Variants in OSBPL5 observed in about 807,000 individuals in gnomAD.
OSBPL5 encodes the protein oxysterol-binding protein-related protein 5.
A neutral mutation model predicts 111.2 loss-of-function variants in OSBPL5; 71 were observed. The observed-to-expected ratio is 0.64, with a 90% CI of 0.53 to 0.78. The LOEUF (loss-of-function observed/expected upper bound fraction) is 0.78, where lower values mean the gene tolerates loss of function less well. Among genes scored for constraint, OSBPL5 ranks in the 30% least tolerant of loss-of-function variants. The pLI is 0.00. For synonymous variants in OSBPL5, 549 were observed against 513.9 expected (o/e 1.07, Z -0.93); for missense variants, 1,210 against 1,189.3 (o/e 1.02, Z -0.26).
intron 14 of OSBPL5, among the ~76,000 whole-genome samples, chr11:3,096,050 A>G (rs138686696): frequency 0.012 from 1,860 of 152,330 alleles, 10 homozygotes; most frequent in South Asian, 0.031. Context: ...GCAGCCAGGA[A>G]AATCCATGCT....
rs374923847 is a variant in OSBPL5 at position 3,107,313 on chromosome 11, C to A, written c.1009G>T (p.Val337Leu). The A allele has an allele frequency of 3.7e-6, 6 of 1,613,730 alleles. No individual in the cohort carries two copies. The highest frequency in any genetic ancestry group is 5.1e-6 in the Non-Finnish European group (6 of 1,179,996). ...TCCACATAGGTGGTCCCTCTCCGCACCGGGGCCCCAGGGGTCTCTGACTGG... is the reference window on the plus strand; with the variant it reads ...TCCACATAGGTGGTCCCTCTCCGCAACGGGGCCCCAGGGGTCTCTGACTGG... ...SDQSETPGAP[V>L]RRGTTYVEQV... Residue 337 changes from valine to leucine, a missense_variant, in exon 9 of 22, where the codon GTG becomes TTG. Physicochemically the swap from Val to Leu is conservative, Grantham distance 32. Coordinates refer to ENST00000263650, the MANE Select transcript of OSBPL5 (RefSeq NM_020896.4). The surrounding 1 kb of genome is among the most constrained non-coding windows in gnomAD (Gnocchi z 6.1).
At chr11:3,120,006 G>T (rs1379568281) in intron 6 of OSBPL5, 5 of 411,478 alleles carry the variant, frequency 1.2e-5, no homozygotes, top group Non-Finnish European at 4.4e-6. Flanking sequence ...ATACTAGCAT[G>T]AAAGAACTCT....
Position 3,107,393 on chromosome 11 carries a change from T to C in OSBPL5, c.929A>G (p.Glu310Gly). 1 of 1,614,070 alleles carries C rather than the reference T, an allele frequency of 6.2e-7. No individual in the cohort carries two copies. The highest frequency in any genetic ancestry group is 2.2e-5 in the East Asian group (1 of 44,880). The change falls in exon 9 of 22, where the codon GAG (glutamate) becomes GGG (glycine). Residue 310 changes from glutamate (E) to glycine (G), a missense_variant. Coordinates refer to ENST00000263650, the MANE Select transcript of OSBPL5 (RefSeq NM_020896.4). The surrounding 1 kb of genome is among the most constrained non-coding windows in gnomAD (Gnocchi z 6.1). ...GTCCTGGGTCTCGGTATCTGACTCC[T>C]CAGGGTTCTCTCTCTCCGACTTGTC... ...FSDKSERENP[E>G]ESDTETQDHS... is the part of the protein sequence containing the mutation.
Position 3,120,476 on chromosome 11 carries a change from T to A in OSBPL5, c.551A>T (p.Asp184Val). The change falls in exon 6 of 22, where the codon GAC becomes GTC. Residue 184 changes from aspartate to valine, a missense_variant. Coordinates refer to ENST00000263650, the MANE Select transcript of OSBPL5 (RefSeq NM_020896.4). ...CELIERPSKK[D>V]GFCFKLFHPL... ...GTGGAAGAGCTTGAAGCAGAAGCCGTCCTTCTTGGAGGGCCGCTCGATGAG... is the reference window on the plus strand; with the variant it reads ...GTGGAAGAGCTTGAAGCAGAAGCCGACCTTCTTGGAGGGCCGCTCGATGAG... The A allele has an allele frequency of 1.2e-6, 2 of 1,613,336 alleles. No individual in the cohort carries two copies. The highest frequency in any genetic ancestry group is 1.7e-6 in the Non-Finnish European group (2 of 1,180,026).
chr11:3,090,519 C>A (rs897345744), intron 20 of OSBPL5, 39 bp downstream of exon 20: 8 of 1,599,244 alleles, frequency 5.0e-6, no homozygotes, highest in Non-Finnish European at 6.0e-6. Flanking sequence ...AGGCACCCCA[C>A]CAGACAGAGG....
chr11:3,154,974 T>C lies in OSBPL5; in HGVS notation c.-22+10242A>G, dbSNP rs1846709521. ...TAAAACAGGTCATTAGGGTGGGCCCTAGTCCAATCTCACTGGTGTCCTTAT... is the reference window on the plus strand; with the variant it reads ...TAAAACAGGTCATTAGGGTGGGCCCCAGTCCAATCTCACTGGTGTCCTTAT... On this transcript the variant is annotated intron_variant, in intron 1 of 21. Transcript: ENST00000263650. This position sits in a 1 kb window ranked among gnomAD's most constrained non-coding sequence, Gnocchi z 4.9. 6.6e-6 allele frequency among the ~76,000 whole-genome samples: 1 copy of C among 152,188 alleles called. No individual in the cohort carries two copies. The highest frequency in any genetic ancestry group is 2.4e-5 in the African/African-American group (1 of 41,440).
chr11:3,100,690 GAC>G (rs1857422949), intron 13 of OSBPL5, among the ~76,000 whole-genome samples: 1 of 152,106 alleles, frequency 6.6e-6, no homozygotes, highest in African/African-American at 2.4e-5. Flanking sequence ...TCGCACCTGG[GAC>G]CCCCTCCCAG....
chr11:3,098,537 C>T (rs1857353701), intron 14 of OSBPL5, among the ~76,000 whole-genome samples: 1 of 111,938 alleles, frequency 8.9e-6, no homozygotes, highest in African/African-American at 3.9e-5. Flanking sequence ...TGGAGTTTCG[C>T]TCTTGTTGCC....
At position 3,093,826 on chromosome 11, in the gene OSBPL5, C is replaced by G; in HGVS notation, c.1729G>C (p.Gly577Arg). The change falls in exon 16 of 22, where the codon GGG (glycine) becomes CGG (arginine). Residue 577 changes from glycine (G) to arginine (R), a missense_variant. Transcript: ENST00000263650. ...ATCTGGTTGATGCTGGTGCTACCCC[C>G]GAAGAAGGGCTGCGGGGCCACACCC... ...QLEFKLKPFF[G>R]GSTSINQISG... 13 of 1,611,780 alleles carry G rather than the reference C, an allele frequency of 8.1e-6. No homozygotes were observed. Among genetic ancestry groups the G allele is most frequent in the East Asian group, 4.5e-5 (2 of 44,848 alleles).
intron 14 of OSBPL5, among the ~76,000 whole-genome samples, chr11:3,096,909 A>G (rs1251243637): frequency 6.7e-6 from 1 of 149,966 alleles, no homozygotes; most frequent in Admixed American, 6.6e-5. Context: ...AAGAAAAAAT[A>G]AAGGGGAGAA....
In OSBPL5 at chr11:3,102,222, G is replaced by A. The variant is rs1331866104; in HGVS notation, c.1386C>T (p.His462=). The A allele has an allele frequency of 3.7e-6, 6 of 1,609,402 alleles. No individual in the cohort carries two copies. Among genetic ancestry groups the A allele is most frequent in the East Asian group, 2.2e-5 (1 of 44,716 alleles). Residue 462 remains histidine, a synonymous_variant, in exon 12 of 22, where the codon CAC becomes CAT. Transcript: ENST00000263650. ...LGETFRCCWF[H]PQTDSRTFYI... is the part of the protein sequence containing the mutation. ...AGAATGTGCGGCTGTCAGTCTGCGG[G>A]TGGAACCAGCAGCAGCGGAAGGTCT...
intron 1 of OSBPL5, among the ~76,000 whole-genome samples, chr11:3,163,343 C>G (rs1847019976): frequency 6.6e-6 from 1 of 152,142 alleles, no homozygotes; most frequent in African/African-American, 2.4e-5. Context: ...CACCAGTCCC[C>G]AAAACACAGC....
intron 1 of OSBPL5, among the ~76,000 whole-genome samples, chr11:3,137,560 C>T (rs1326665152): frequency 6.6e-6 from 1 of 152,184 alleles, no homozygotes; most frequent in East Asian, 1.9e-4. Context: ...AGCCTGTAAT[C>T]CCAACACTTT....
rs10833255 is a variant in OSBPL5, at chr11:3,108,735, G to T, written c.692-790C>A. Among the ~76,000 whole-genome samples, 240 of 151,672 alleles carry T rather than the reference G, an allele frequency of 1.6e-3. 1 individual carries two copies. In the Middle Eastern group the frequency reaches 0.02, roughly 13 times the overall value. On this transcript the variant is annotated intron_variant, in intron 7 of 21. Transcript: ENST00000263650. ...CCCCGCACTCAGAGGAGCATCTCGT[G>T]GTGGCCTGTGACAGGTCACACTATT...
In OSBPL5 at chr11:3,109,118, C is replaced by T. The variant is rs930864235; in HGVS notation, c.692-1173G>A. 3.3e-5 allele frequency among the ~76,000 whole-genome samples: 5 copies of T among 151,304 alleles called. No individual in the cohort carries two copies. Among genetic ancestry groups the T allele is most frequent in the Non-Finnish European group, 7.4e-5 (5 of 67,930 alleles). ...TTTTTGTTGTTTTGAGATGGAGTCTCGCTCTGTCACCCAGGCTGGAGTGCA... is the reference window on the plus strand; with the variant it reads ...TTTTTGTTGTTTTGAGATGGAGTCTTGCTCTGTCACCCAGGCTGGAGTGCA... On this transcript the variant is annotated intron_variant, in intron 7 of 21. Coordinates refer to ENST00000263650, the MANE Select transcript of OSBPL5 (RefSeq NM_020896.4). This position sits in a 1 kb window ranked among gnomAD's most constrained non-coding sequence, Gnocchi z 7.4.
intron 14 of OSBPL5, among the ~76,000 whole-genome samples, chr11:3,098,874 G>A (rs1857367319): frequency 6.6e-6 from 1 of 150,562 alleles, no homozygotes; most frequent in Non-Finnish European, 1.5e-5. Flanking sequence ...GTGCCACGAT[G>A]GCTCCTCAAA....
intron 1 of OSBPL5, among the ~76,000 whole-genome samples, chr11:3,139,553 C>A (rs2134506828): frequency 6.6e-6 from 1 of 152,310 alleles, no homozygotes; most frequent in South Asian, 2.1e-4. Flanking sequence ...TAATCACCAG[C>A]CCAGGCACCC....
chr11:3,108,363 G>A (rs564177503), intron 7 of OSBPL5, among the ~76,000 whole-genome samples: 32 of 152,246 alleles, frequency 2.1e-4, no homozygotes, highest in Admixed American at 1.2e-3. Flanking sequence ...CCACCCTGAT[G>A]GCCACCCACA....
chr11:3,151,502 C>T (rs1255822597), intron 1 of OSBPL5, among the ~76,000 whole-genome samples: 2 of 152,216 alleles, frequency 1.3e-5, no homozygotes, highest in Non-Finnish European at 2.9e-5. Flanking sequence ...CCGCTTCCTG[C>T]CAGCACAGCT....
Sources: allele counts gnomAD v4.1 joint callset (sites outside exome capture counted in the v4.1 genomes callset), GRCh38; gene constraint gnomAD v4.1.1; non-coding constraint Gnocchi (gnomAD v3.1); transcripts MANE v1.5; gene names NCBI Gene and HGNC (gene_info 2026-07-23, HGNC 2026-07-21).